Variants in DSCAM observed in about 807,000 individuals in gnomAD.
DSCAM encodes cell adhesion molecule DSCAM.
In DSCAM, 47 loss-of-function variants were observed where a neutral mutation model predicts 217.7. The ratio of observed to expected loss-of-function variants is 0.22; its 90% CI spans 0.17 to 0.28. DSCAM has a LOEUF of 0.28. Ranked by LOEUF, DSCAM falls within the 10% of genes least tolerant of loss-of-function variation. DSCAM has a pLI of 1.00. For missense variants in DSCAM, 2,080 were observed against 2,618.3 expected, an observed-to-expected ratio of 0.79 and a Z score of 4.49; for synonymous variants, 1,056 against 1,015.3, an observed-to-expected ratio of 1.04 and a Z score of -0.76.
At chr21:40,752,612 A>C (rs1011998929) in intron 1 of DSCAM, among the ~76,000 whole-genome samples, 2 of 152,176 alleles carry the variant, frequency 1.3e-5, no homozygotes, top group African/African-American at 4.8e-5. Flanking sequence ...ACCTGAGCCC[A>C]GGAGTTTGAG....
intron 30 of DSCAM, among the ~76,000 whole-genome samples, chr21:40,045,640 C>T (rs1601264625): frequency 6.6e-6 from 1 of 152,202 alleles, no homozygotes; most frequent in African/African-American, 2.4e-5. Context: ...AGCCTGGAGA[C>T]AGCTTAAGGT....
intron 32 of DSCAM, among the ~76,000 whole-genome samples, chr21:40,029,224 G>C (rs2088469319): frequency 6.6e-6 from 1 of 151,986 alleles, no homozygotes; most frequent in Non-Finnish European, 1.5e-5. Flanking sequence ...TTCTTATGAT[G>C]TTTATCCTGT....
rs534644657 is a variant in DSCAM at position 40,213,368 on chromosome 21, T to A, written c.2357-24130A>T. Among the ~76,000 whole-genome samples the A allele has an allele frequency of 2.0e-5, 3 of 152,300 alleles. No individual in the cohort carries two copies. In the South Asian group the frequency reaches 6.2e-4, roughly 32 times the overall value. On this transcript the variant is annotated intron_variant, in intron 11 of 32. Transcript: ENST00000400454. ...GCTGCCTCACAGCCTCCTGCCTCCC[T>A]GTGCACACATAGGTTTACTGTCAGG...
At chr21:40,453,965 C>G (rs898285513) in intron 3 of DSCAM, among the ~76,000 whole-genome samples, 1 of 152,190 alleles carries the variant, frequency 6.6e-6, no homozygotes, top group Non-Finnish European at 1.5e-5. Flanking sequence ...CTATTCTACT[C>G]TCCAACAGGG....
chr21:40,618,176 T>C (rs1601792959), intron 3 of DSCAM, among the ~76,000 whole-genome samples: 2 of 151,012 alleles, frequency 1.3e-5, no homozygotes, highest in South Asian at 4.1e-4. Flanking sequence ...AATTGCTAGT[T>C]AGTACACATG....
At chr21:40,507,303 T>A (rs991398233) in intron 3 of DSCAM, among the ~76,000 whole-genome samples, 17 of 151,548 alleles carry the variant, frequency 1.1e-4, no homozygotes, top group African/African-American at 3.6e-4. Flanking sequence ...AAAATAAATT[T>A]AAAAAAACAG....
intron 20 of DSCAM, among the ~76,000 whole-genome samples, chr21:40,120,331 T>C (rs548874584): frequency 6.6e-6 from 1 of 152,334 alleles, no homozygotes; most frequent in South Asian, 2.1e-4. Flanking sequence ...TAATTTTACA[T>C]TTCTAAGCTC....
intron 3 of DSCAM, among the ~76,000 whole-genome samples, chr21:40,679,185 C>G (rs992527981): frequency 6.6e-6 from 1 of 152,102 alleles, no homozygotes; most frequent in Non-Finnish European, 1.5e-5. Context: ...AGCAAAAGCT[C>G]TTATTAAAGC....
intron 1 of DSCAM, among the ~76,000 whole-genome samples, chr21:40,735,672 C>G (rs1569009460): frequency 6.6e-6 from 1 of 152,196 alleles, no homozygotes. Context: ...AGAAGGAGGA[C>G]AGATATTAAC....
At chr21:40,559,894 G>A (rs966682980) in intron 3 of DSCAM, among the ~76,000 whole-genome samples, 16 of 147,346 alleles carry the variant, frequency 1.1e-4, no homozygotes, top group Admixed American at 3.5e-4. Flanking sequence ...CCGAGTTCAC[G>A]CCATTCTCCT....
At chr21:40,457,975 A>C (rs1286594470) in intron 3 of DSCAM, among the ~76,000 whole-genome samples, 1 of 152,190 alleles carries the variant, frequency 6.6e-6, no homozygotes, top group East Asian at 1.9e-4. Context: ...TAAACATGTA[A>C]GAGGTATGAA....
At chr21:40,842,011 G>A (rs928579631) in intron 1 of DSCAM, among the ~76,000 whole-genome samples, 2 of 152,210 alleles carry the variant, frequency 1.3e-5, no homozygotes, top group South Asian at 4.1e-4. Context: ...GAGAGATCGT[G>A]GGGGAGGCGT....
chr21:40,645,987 T>G (rs2089941251), intron 3 of DSCAM, among the ~76,000 whole-genome samples: 1 of 152,038 alleles, frequency 6.6e-6, no homozygotes, highest in Non-Finnish European at 1.5e-5. Context: ...TTAACTGCAC[T>G]AAATGAAAAG....
chr21:40,020,830 C>G (rs2088252567), intron 32 of DSCAM, among the ~76,000 whole-genome samples: 1 of 152,176 alleles, frequency 6.6e-6, no homozygotes, highest in Non-Finnish European at 1.5e-5. Context: ...GCCTTTGGGA[C>G]AGGGTCCCCC....
At chr21:40,231,062 G>C (rs1415719223) in intron 11 of DSCAM, among the ~76,000 whole-genome samples, 1 of 151,270 alleles carries the variant, frequency 6.6e-6, no homozygotes, top group Admixed American at 6.6e-5. Context: ...GAGAGGGCTG[G>C]AGTGGGAAGG....
intron 3 of DSCAM, among the ~76,000 whole-genome samples, chr21:40,463,912 C>T (rs574834127): frequency 3.3e-5 from 5 of 152,160 alleles, no homozygotes; most frequent in Admixed American, 3.3e-4. Context: ...TCTGAAATTC[C>T]TCTCTTTTCT....
intron 1 of DSCAM, among the ~76,000 whole-genome samples, chr21:40,800,047 G>A (rs1413109753): frequency 6.6e-6 from 1 of 152,146 alleles, no homozygotes; most frequent in Non-Finnish European, 1.5e-5. Flanking sequence ...TCACAGGAGT[G>A]ACATTAGTGG....
chr21:40,198,014 A>G (rs2091032429), intron 11 of DSCAM, among the ~76,000 whole-genome samples: 1 of 152,168 alleles, frequency 6.6e-6, no homozygotes, highest in African/African-American at 2.4e-5. Flanking sequence ...CACCCTTGGA[A>G]GCCCCTCAGT....
intron 3 of DSCAM, among the ~76,000 whole-genome samples, chr21:40,402,153 G>A (rs1248903434): frequency 7.2e-6 from 1 of 139,732 alleles, no homozygotes; most frequent in Non-Finnish European, 1.5e-5. Context: ...TCCGCCTCCT[G>A]GGTTCACGTC....
Sources: allele counts gnomAD v4.1 joint callset (sites outside exome capture counted in the v4.1 genomes callset), GRCh38; gene constraint gnomAD v4.1.1; transcripts MANE v1.5; gene names NCBI Gene and HGNC (gene_info 2026-07-23, HGNC 2026-07-21).